Variants in RAD54L observed in about 807,000 individuals in gnomAD.
The protein encoded by RAD54L is DNA repair and recombination protein RAD54-like.
In RAD54L, 74 loss-of-function variants were observed where a neutral mutation model predicts 91.6. The ratio of observed to expected loss-of-function variants is 0.81; its 90% CI spans 0.67 to 0.98. The LOEUF (loss-of-function observed/expected upper bound fraction) is 0.98. Among genes scored for constraint, RAD54L ranks in the 50% least tolerant of loss-of-function variants. RAD54L has a pLI of 0.00. For synonymous variants in RAD54L, 304 were observed against 349.7 expected (o/e 0.87, Z 1.46); for missense variants, 887 against 945.7 (o/e 0.94, Z 0.81).
chr1:46,260,754 A>G lies in RAD54L; in HGVS notation c.505A>G (p.Thr169Ala). 1.2e-6 allele frequency: 2 copies of G among 1,614,190 alleles called. No homozygotes were observed. The highest frequency in any genetic ancestry group is 2.2e-5 in the East Asian group (1 of 44,886). Residue 169 changes from threonine (T) to alanine (A), a missense_variant, in exon 7 of 18, where the codon ACC (threonine) becomes GCC (alanine). Thr to Ala is a moderately conservative substitution (Grantham distance 58, BLOSUM62 0). Coordinates refer to ENST00000371975, the MANE Select transcript of RAD54L (RefSeq NM_003579.4). ...EGVKFLWECV[T>A]SRRIPGSHGC... The stretch of plus-strand genomic sequence containing the variant: ...AGTGAAATTCCTGTGGGAGTGTGTC[A>G]CCAGTCGGCGCATCCCTGGCAGCCA...
chr1:46,262,699 G>T (rs1660164442), intron 8 of RAD54L, among the ~76,000 whole-genome samples: 1 of 152,012 alleles, frequency 6.6e-6, no homozygotes, highest in South Asian at 2.1e-4. Flanking sequence ...GGTGAGGGAG[G>T]CCACCTGGGG....
At chr1:46,271,956 C>T (rs1660440090) in intron 10 of RAD54L, among the ~76,000 whole-genome samples, 1 of 142,874 alleles carries the variant, frequency 7.0e-6, no homozygotes, top group Admixed American at 7.4e-5. Flanking sequence ...TCTAAGCTAG[C>T]ATGTTTGGAA....
At chr1:46,270,355 C>T (rs1660387281) in intron 9 of RAD54L, among the ~76,000 whole-genome samples, 1 of 151,142 alleles carries the variant, frequency 6.6e-6, no homozygotes, top group African/African-American at 2.4e-5. Context: ...AGCAAGACTC[C>T]ATTGCAGGAA....
At chr1:46,254,392 CATG>C (rs1659885116) in intron 3 of RAD54L, among the ~76,000 whole-genome samples, 1 of 151,718 alleles carries the variant, frequency 6.6e-6, no homozygotes, top group Non-Finnish European at 1.5e-5. Flanking sequence ...CAGCCTTAGA[CATG>C]ATGATTTTGA....
intron 16 of RAD54L, among the ~76,000 whole-genome samples, chr1:46,275,296 C>T (rs911633497): frequency 3.3e-5 from 5 of 152,202 alleles, no homozygotes; most frequent in Admixed American, 6.5e-5. Context: ...AACCCCGCTT[C>T]GTCTAATTAT....
chr1:46,248,844 G>T (rs1392252968), intron 2 of RAD54L, among the ~76,000 whole-genome samples: 6 of 152,196 alleles, frequency 3.9e-5, no homozygotes, highest in Non-Finnish European at 8.8e-5. Flanking sequence ...AAAAGAGCCA[G>T]TTGGATTGGA....
At chr1:46,251,294 A>G (rs909076071) in intron 3 of RAD54L, among the ~76,000 whole-genome samples, 2 of 152,326 alleles carry the variant, frequency 1.3e-5, no homozygotes, top group Admixed American at 6.5e-5. Flanking sequence ...CCTGGGCGAC[A>G]AGAGTGAAAA....
chr1:46,249,520 C>G (rs971061259), intron 2 of RAD54L, among the ~76,000 whole-genome samples: 8 of 152,212 alleles, frequency 5.3e-5, no homozygotes, highest in African/African-American at 1.7e-4. Flanking sequence ...GGTCTGCTGT[C>G]AGTTGCTGGT....
chr1:46,254,927 C>A (rs1174347022), intron 3 of RAD54L, among the ~76,000 whole-genome samples: 1 of 152,008 alleles, frequency 6.6e-6, no homozygotes, highest in African/African-American at 2.4e-5. Context: ...GGTTAAAAGG[C>A]AGAGGGAAAA....
intron 8 of RAD54L, among the ~76,000 whole-genome samples, chr1:46,264,050 C>T (rs368358707): frequency 3.9e-5 from 6 of 152,218 alleles, no homozygotes; most frequent in African/African-American, 1.4e-4. Context: ...GCGGCCTTGG[C>T]CTCCCAAAGT....
At chr1:46,255,492 C>CTTTTTTTTT (rs869103738) in intron 3 of RAD54L, among the ~76,000 whole-genome samples, 1 of 80,826 alleles carries the variant, frequency 1.2e-5, no homozygotes, top group African/African-American at 4.5e-5. Context: ...TTGGCCATTC[C>CTTTTTTTTT]TTTTTTTTTT....
chr1:46,252,914 A>G (rs938848410), intron 3 of RAD54L, among the ~76,000 whole-genome samples: 1 of 152,032 alleles, frequency 6.6e-6, no homozygotes, highest in Non-Finnish European at 1.5e-5. Context: ...CTAAAAAACA[A>G]TAAATAAATT....
At chr1:46,272,998 A>T (rs1350925514) in intron 12 of RAD54L, among the ~76,000 whole-genome samples, 196 bp downstream of exon 12, 2 of 152,182 alleles carry the variant, frequency 1.3e-5, no homozygotes, top group African/African-American at 4.8e-5. Flanking sequence ...TGGAAAATTG[A>T]ACTCATCTTC....
chr1:46,251,848 T>G (rs1342663683), intron 3 of RAD54L, among the ~76,000 whole-genome samples: 1 of 152,184 alleles, frequency 6.6e-6, no homozygotes. Context: ...AGGTGGAGGT[T>G]GCAGTGAGCT....
Position 46,249,217 on chromosome 1 carries a change from G to A in RAD54L, c.90+619G>A, listed in dbSNP as rs7528374. Among the ~76,000 whole-genome samples, 1,091 of 152,332 alleles carry A rather than the reference G, an allele frequency of 7.2e-3. 17 individuals are homozygous for A. Among genetic ancestry groups the A allele is most frequent in the Middle Eastern group, 0.034 (10 of 294 alleles). Reference sequence around the variant, plus strand: ...TGGCCACTGGAACTTTGAAGGAAGGGATCAGCTACGCAAGGACTAGAAGGC... The same window carrying A: ...TGGCCACTGGAACTTTGAAGGAAGGAATCAGCTACGCAAGGACTAGAAGGC... On this transcript the variant is annotated intron_variant, in intron 2 of 17. Transcript: ENST00000371975.
intron 15 of RAD54L, 122 bp downstream of exon 15, chr1:46,274,338 AG>A: frequency 7.9e-7 from 1 of 1,269,030 alleles, no homozygotes; most frequent in Non-Finnish European, 1.1e-6. Flanking sequence ...TGGATATAGT[AG>A]GATTTGTCTG....
At chr1:46,256,197 C>G (rs370640610) in intron 3 of RAD54L, among the ~76,000 whole-genome samples, 6 of 151,962 alleles carry the variant, frequency 3.9e-5, no homozygotes, top group African/African-American at 1.5e-4. Flanking sequence ...CTGCCTCAGC[C>G]TTCTGAGTAG....
intron 5 of RAD54L, 79 bp downstream of exon 5, chr1:46,260,178 G>T (rs951259848): frequency 9.4e-6 from 15 of 1,588,974 alleles, no homozygotes; most frequent in Middle Eastern, 3.3e-4. Flanking sequence ...GGGTATTTTG[G>T]TGTGATTTCT....
At chr1:46,267,211 A>G (rs962655015) in intron 8 of RAD54L, among the ~76,000 whole-genome samples, 4 of 152,112 alleles carry the variant, frequency 2.6e-5, no homozygotes, top group African/African-American at 9.7e-5. Flanking sequence ...CTATGGGTGT[A>G]AGCTACTATG....
Sources: gnomAD v4.1 joint callset for allele counts (sites outside exome capture counted in the v4.1 genomes callset) on GRCh38, gnomAD v4.1.1 for gene constraint, MANE v1.5 for transcripts, NCBI Gene and HGNC (gene_info 2026-07-23, HGNC 2026-07-21) for gene names.